UBE3D: variants seen among roughly 807,000 people sequenced by gnomAD.
The protein encoded by UBE3D is E3 ubiquitin-protein ligase E3D.
UBE3D carries 48 observed loss-of-function variants against 49.6 expected under a neutral mutation model. The ratio of observed to expected loss-of-function variants is 0.97; its 90% CI spans 0.77 to 1.23. UBE3D has a LOEUF of 1.23. Ranked by LOEUF, UBE3D falls within the 50% of genes most tolerant of loss-of-function variation. The pLI is 0.00. For synonymous variants in UBE3D, 189 were observed against 174.2 expected, an observed-to-expected ratio of 1.08 and a Z score of -0.67; for missense variants, 452 against 468.4, an observed-to-expected ratio of 0.96 and a Z score of 0.32.
chr6:83,052,070 C>T (rs554110249), intron 3 of UBE3D, among the ~76,000 whole-genome samples: 1 of 152,344 alleles, frequency 6.6e-6, no homozygotes, highest in African/African-American at 2.4e-5. Flanking sequence ...CTAATACATA[C>T]TGAATGCTTG....
intron 9 of UBE3D, among the ~76,000 whole-genome samples, chr6:82,898,155 C>T (rs140047243): frequency 5.5e-4 from 83 of 152,154 alleles, no homozygotes; most frequent in Non-Finnish European, 7.6e-4. Flanking sequence ...GTTAGAATGG[C>T]GATCATTAAA....
At chr6:82,934,260 G>C (rs527765246) in intron 9 of UBE3D, among the ~76,000 whole-genome samples, 4 of 152,296 alleles carry the variant, frequency 2.6e-5, no homozygotes, top group East Asian at 1.9e-4. Flanking sequence ...GGAACTGTAA[G>C]TCAATTAAAC....
chr6:82,981,904 A>G (rs1778143781), intron 8 of UBE3D, among the ~76,000 whole-genome samples: 1 of 152,182 alleles, frequency 6.6e-6, no homozygotes, highest in South Asian at 2.1e-4. Flanking sequence ...ATTCAAGTAC[A>G]TCTTACCAAC....
At chr6:82,966,176 T>C (rs1010024037) in intron 8 of UBE3D, among the ~76,000 whole-genome samples, 3 of 152,152 alleles carry the variant, frequency 2.0e-5, no homozygotes, top group Admixed American at 6.5e-5. Flanking sequence ...TATTGTTTGA[T>C]TCCATTTATA....
chr6:82,883,017 G>A, the UBE3D span, among the ~76,000 whole-genome samples: 290 of 152,204 alleles, frequency 1.9e-3, 1 homozygote, highest in Middle Eastern at 6.8e-3. Context: ...TCCAAACCAG[G>A]TCAAGAAACA....
At chr6:82,939,667 ACTGTCCCAGCCCATCTAGGTTTGTGT>A (rs1019721509) in intron 9 of UBE3D, among the ~76,000 whole-genome samples, 1 of 152,162 alleles carries the variant, frequency 6.6e-6, no homozygotes, top group Non-Finnish European at 1.5e-5. Flanking sequence ...TGTGTAGTAG[ACTGTCCCAGCCCATCTAGGTTTGTGT>A]CTGTCCCAGC....
At chr6:82,903,504 G>A (rs571044794) in intron 9 of UBE3D, among the ~76,000 whole-genome samples, 11 of 152,232 alleles carry the variant, frequency 7.2e-5, no homozygotes, top group South Asian at 2.1e-4. Flanking sequence ...AGCTGGATAC[G>A]TCACAGTAGC....
At chr6:83,055,143 G>GA (rs76691093) in intron 2 of UBE3D, among the ~76,000 whole-genome samples, 116,036 of 152,036 alleles carry the variant, frequency 0.76, 44,445 homozygotes, top group East Asian at 0.88. Context: ...AAGCTGTGGG[G>GA]AAAAATGTAT....
rs112500574 is a variant in UBE3D, at chr6:83,033,541, A to G, written c.667+4875T>C. Reference sequence around the variant, plus strand: ...GCACCATCCCCTTGGTGCTGTACTCATGATGGTGAGTGAGTGACTTCTTAC... The same window carrying G: ...GCACCATCCCCTTGGTGCTGTACTCGTGATGGTGAGTGAGTGACTTCTTAC... On this transcript the variant is annotated intron_variant, in intron 5 of 9. Transcript: ENST00000369747. 9.6e-3 allele frequency among the ~76,000 whole-genome samples: 1,462 copies of G among 152,140 alleles called. 22 individuals carry two copies. Among genetic ancestry groups the G allele is most frequent in the African/African-American group, 0.033 (1,385 of 41,498 alleles).
intron 9 of UBE3D, among the ~76,000 whole-genome samples, chr6:82,923,974 T>C (rs1385199583): frequency 6.6e-6 from 1 of 151,980 alleles, no homozygotes; most frequent in East Asian, 1.9e-4. Flanking sequence ...CTTGTAATAT[T>C]CTTAGTAGAA....
chr6:83,058,422 A>T (rs1783954474), intron 1 of UBE3D, among the ~76,000 whole-genome samples: 1 of 152,256 alleles, frequency 6.6e-6, no homozygotes, highest in Admixed American at 6.5e-5. Flanking sequence ...TTAATGAAGA[A>T]AACGATACAG....
chr6:83,060,105 C>A (rs907896058), intron 1 of UBE3D, among the ~76,000 whole-genome samples: 1 of 152,150 alleles, frequency 6.6e-6, no homozygotes, highest in Non-Finnish European at 1.5e-5. Flanking sequence ...AACTACCTCC[C>A]AAAGCCCCAT....
chr6:82,880,834 C>G, the UBE3D span, among the ~76,000 whole-genome samples: 2 of 152,146 alleles, frequency 1.3e-5, no homozygotes, highest in African/African-American at 4.8e-5. Flanking sequence ...TCTCACAGTT[C>G]TGGAGCCTGG....
At chr6:83,058,043 C>G in intron 1 of UBE3D, 21 bp from the exon 2 acceptor site, 1 of 1,611,144 alleles carries the variant, frequency 6.2e-7, no homozygotes, top group Non-Finnish European at 8.5e-7. Flanking sequence ...AAAACAAAAC[C>G]CAAACAAATT....
chr6:83,003,994 C>T (rs1170898225), intron 8 of UBE3D, among the ~76,000 whole-genome samples: 1 of 152,144 alleles, frequency 6.6e-6, no homozygotes, highest in Non-Finnish European at 1.5e-5. Flanking sequence ...TCCATAGGCA[C>T]CTAACTACTT....
intron 8 of UBE3D, among the ~76,000 whole-genome samples, chr6:83,005,033 G>A (rs1779876546): frequency 6.6e-6 from 1 of 152,054 alleles, no homozygotes; most frequent in Admixed American, 6.6e-5. Context: ...AAGACACAAT[G>A]AACAAAGTGA....
In UBE3D at chr6:82,916,314, A is replaced by G. The variant is rs950782106; in HGVS notation, c.1150-23272T>C. ...TCCACTATGGCATTTTCAATTATTA[A>G]ATATAGCAAGACTCATGAAGTATTT... On this transcript the variant is annotated intron_variant, in intron 9 of 9. Transcript: ENST00000369747. 2.6e-5 allele frequency among the ~76,000 whole-genome samples: 4 copies of G among 152,184 alleles called. No homozygotes were observed. The East Asian group carries it at 5.8e-4, about 22-fold the overall frequency.
intron 9 of UBE3D, among the ~76,000 whole-genome samples, chr6:82,908,000 T>C (rs1283011700): frequency 1.3e-5 from 2 of 152,100 alleles, no homozygotes; most frequent in East Asian, 3.9e-4. Context: ...AATACTTCTC[T>C]GCAACAAAAA....
intron 5 of UBE3D, 113 bp from the exon 6 acceptor site, chr6:83,024,151 A>T: frequency 1.9e-6 from 1 of 523,854 alleles, no homozygotes. Flanking sequence ...TACTGGTAAA[A>T]TTAATATTCT....
Sources: gnomAD v4.1 joint callset for allele counts (sites outside exome capture counted in the v4.1 genomes callset) on GRCh38, gnomAD v4.1.1 for gene constraint, MANE v1.5 for transcripts, NCBI Gene and HGNC (gene_info 2026-07-23, HGNC 2026-07-21) for gene names.